Variants in MAEL observed in about 807,000 individuals in gnomAD.
The protein encoded by MAEL is maelstrom spermatogenic transposon silencer.
A neutral mutation model predicts 62.0 loss-of-function variants in MAEL; 46 were observed. The ratio of observed to expected loss-of-function variants is 0.74; its 90% CI spans 0.59 to 0.95. MAEL has a LOEUF of 0.95. Among genes scored for constraint, MAEL ranks in the 40% least tolerant of loss-of-function variants. The pLI, the probability that MAEL is intolerant of heterozygous loss-of-function variation, is 0.00. For synonymous variants in MAEL, 172 were observed against 175.5 expected (o/e 0.98, Z 0.16); for missense variants, 497 against 526.8 (o/e 0.94, Z 0.55).
upstream of MAEL, among the ~76,000 whole-genome samples, chr1:166,988,348 TA>T (rs71073633): frequency 5.4e-3 from 504 of 93,064 alleles, no homozygotes; most frequent in African/African-American, 0.013. Context: ...AGACCCTGTC[TA>T]AAAAAAAAAA....
At chr1:166,999,335 C>T (rs1261971249) in intron 5 of MAEL, among the ~76,000 whole-genome samples, 1 of 152,180 alleles carries the variant, frequency 6.6e-6, no homozygotes. Flanking sequence ...GAAACAGCCC[C>T]ATTGCTGATA....
intron 1 of MAEL, among the ~76,000 whole-genome samples, chr1:166,979,244 C>T (rs1663685784): frequency 1.3e-5 from 2 of 152,160 alleles, no homozygotes; most frequent in Non-Finnish European, 2.9e-5. Context: ...GACTCTGAAA[C>T]AGATACCATT....
chr1:167,017,659 A>G (rs940838034), intron 9 of MAEL, among the ~76,000 whole-genome samples, 168 bp from the exon 10 acceptor site: 3 of 152,150 alleles, frequency 2.0e-5, no homozygotes, highest in Admixed American at 6.6e-5. Context: ...CTGTTTTATT[A>G]TATGTATTGC....
intron 1 of MAEL, 84 bp downstream of exon 1, chr1:166,989,568 A>G: frequency 6.5e-7 from 1 of 1,530,530 alleles, no homozygotes; most frequent in Non-Finnish European, 8.8e-7. Flanking sequence ...GGCCTCGAGG[A>G]GGTCAGGCGG....
chr1:167,009,821 G>T (rs949096158), intron 8 of MAEL, among the ~76,000 whole-genome samples: 28 of 151,850 alleles, frequency 1.8e-4, no homozygotes, highest in Non-Finnish European at 7.4e-5. Flanking sequence ...TGGTAATTTA[G>T]TTCTTTTCTG....
At position 166,995,996 on chromosome 1, in the gene MAEL, A is replaced by C. The variant is rs145037091; in HGVS notation, c.523+1927A>C. On this transcript the variant is annotated intron_variant, in intron 5 of 11. Transcript: ENST00000367872. ...TCTTAATTTATTATTCAACCTAGTC[A>C]AAACTGAGTACAATGTTTCTCATTC... Among the ~76,000 whole-genome samples the C allele has an allele frequency of 3.7e-4, 57 of 152,382 alleles. No homozygotes were observed. In the East Asian group the frequency reaches 0.011, roughly 29 times the overall value.
chr1:167,003,348 G>A (rs1664755458), intron 5 of MAEL, among the ~76,000 whole-genome samples: 1 of 152,188 alleles, frequency 6.6e-6, no homozygotes, highest in Admixed American at 6.5e-5. Context: ...AAAATCTGGA[G>A]TACCTGTGGG....
chr1:167,004,174 C>G lies in MAEL; in HGVS notation c.524-6C>G. ...AGTTTGAACTTCTCCTTTTTATTTC[C>G]CTCAGGTGATTCTAGTCACAAGATT... On this transcript the variant is annotated splice_region_variant and splice_polypyrimidine_tract_variant and intron_variant, in intron 5 of 11. Transcript: ENST00000367872. 1 of 1,602,294 alleles carries G rather than the reference C, an allele frequency of 6.2e-7. No individual in the cohort carries two copies.
intron 10 of MAEL, among the ~76,000 whole-genome samples, chr1:167,018,330 A>T (rs1212075130): frequency 6.6e-6 from 1 of 152,174 alleles, no homozygotes; most frequent in Non-Finnish European, 1.5e-5. Context: ...ATTAAAAGCT[A>T]TCTAATTTCT....
intron 8 of MAEL, among the ~76,000 whole-genome samples, chr1:167,006,618 TATATATATATATATATATACA>T (rs1284266541): frequency 2.0e-5 from 2 of 98,286 alleles, no homozygotes; most frequent in African/African-American, 4.5e-5. Flanking sequence ...TATATATATA[TATATATATATATATATATACA>T]TTTTTTTTTT....
chr1:167,021,606 A>G (rs770974570), intron 11 of MAEL, 62 bp from the exon 12 acceptor site: 9 of 1,157,390 alleles, frequency 7.8e-6, no homozygotes, highest in Non-Finnish European at 8.5e-6. Flanking sequence ...TAATTGAGGC[A>G]TCTCTTTGTA....
chr1:166,989,148 C>A, upstream of MAEL: 1 of 694,420 alleles, frequency 1.4e-6, no homozygotes, highest in Non-Finnish European at 2.3e-6. Context: ...CCCCCCACCT[C>A]ACCCGCAAGG....
chr1:167,020,969 A>AC, intron 10 of MAEL, 116 bp from the exon 11 acceptor site: 1 of 778,140 alleles, frequency 1.3e-6, no homozygotes, highest in South Asian at 1.6e-5. Context: ...GACATTGGAA[A>AC]AGTATTTGAG....
At chr1:167,009,104 G>C (rs756486260) in intron 8 of MAEL, among the ~76,000 whole-genome samples, 2 of 152,060 alleles carry the variant, frequency 1.3e-5, no homozygotes, top group Admixed American at 6.6e-5. Flanking sequence ...ATTTTATCCA[G>C]TTGATATGTC....
At chr1:167,006,600 A>AATATATATAT (rs1268446290) in intron 8 of MAEL, among the ~76,000 whole-genome samples, 1 of 46,000 alleles carries the variant, frequency 2.2e-5, no homozygotes, top group Non-Finnish European at 4.2e-5. Context: ...CTGGTTTTTT[A>AATATATATAT]CTATATATAT....
chr1:166,994,118 C>T, intron 5 of MAEL, 49 bp downstream of exon 5: 1 of 1,474,974 alleles, frequency 6.8e-7, no homozygotes, highest in Non-Finnish European at 9.4e-7. Flanking sequence ...TCTATTCATA[C>T]CTGGTTAGAC....
intron 5 of MAEL, among the ~76,000 whole-genome samples, chr1:166,995,684 A>T (rs543227488): frequency 1.6e-4 from 23 of 147,784 alleles, no homozygotes; most frequent in South Asian, 6.3e-4. Flanking sequence ...GTTAAAAAAA[A>T]AAAATAAAAA....
In MAEL at chr1:167,014,213, C is replaced by T. The variant is rs1665285336; in HGVS notation, c.846-2009C>T. 2.6e-5 allele frequency among the ~76,000 whole-genome samples: 4 copies of T among 152,316 alleles called. No individual in the cohort carries two copies. In the South Asian group the frequency reaches 8.3e-4, roughly 32 times the overall value. ...TTTTATTCTTTGCCTGTCATCTTCACAGCGTCTTGGGACCAAGAAGAGATA... is the reference window on the plus strand; with the variant it reads ...TTTTATTCTTTGCCTGTCATCTTCATAGCGTCTTGGGACCAAGAAGAGATA... On this transcript the variant is annotated intron_variant, in intron 8 of 11. Coordinates refer to ENST00000367872, the MANE Select transcript of MAEL (RefSeq NM_032858.3).
intron 8 of MAEL, among the ~76,000 whole-genome samples, chr1:167,011,231 G>A (rs1208877947): frequency 6.6e-6 from 1 of 152,132 alleles, no homozygotes; most frequent in Non-Finnish European, 1.5e-5. Flanking sequence ...GTTGGGGTAG[G>A]AGATTGAGAA....
Sources: allele counts gnomAD v4.1 joint callset (sites outside exome capture counted in the v4.1 genomes callset), GRCh38; gene constraint gnomAD v4.1.1; transcripts MANE v1.5; gene names NCBI Gene and HGNC (gene_info 2026-07-23, HGNC 2026-07-21).